The following GRM3 variants were observed in gnomAD, a reference collection of about 807,000 sequenced individuals.
The protein encoded by GRM3 is glutamate metabotropic receptor 3.
GRM3 carries 26 observed loss-of-function variants against 70.5 expected under a neutral mutation model. The observed-to-expected ratio is 0.37, with a 90% CI of 0.27 to 0.51. The LOEUF (loss-of-function observed/expected upper bound fraction) is 0.51. Ranked by LOEUF, GRM3 falls within the 20% of genes least tolerant of loss-of-function variation. The pLI, the probability that GRM3 is intolerant of heterozygous loss-of-function variation, is 0.93. For synonymous variants in GRM3, 443 were observed against 434.9 expected (o/e 1.02, Z -0.23); for missense variants, 859 against 1,123.8 (o/e 0.76, Z 3.37).
rs1026674054 is a variant in GRM3, at chr7:86,786,792, G to A, written c.1000G>A (p.Asp334Asn). The change falls in exon 3 of 6, where the codon GAC becomes AAC. Residue 334 changes from aspartate to asparagine, a missense_variant. By Grantham distance (23) the Asp-to-Asn change is conservative. Transcript: ENST00000361669. The surrounding 1 kb of genome is among the most constrained non-coding windows in gnomAD (Gnocchi z 6.0). ...GGCCTCCCAGCCTGTCCGCCAGTTCGACCGCTACTTCCAGAGCCTCAACCC... is the reference window on the plus strand; with the variant it reads ...GGCCTCCCAGCCTGTCCGCCAGTTCAACCGCTACTTCCAGAGCCTCAACCC... ...ELASQPVRQF[D>N]RYFQSLNPYN... is the part of the protein sequence containing the mutation. 1.2e-6 allele frequency: 2 copies of A among 1,614,138 alleles called. No homozygotes were observed. Among genetic ancestry groups the A allele is most frequent in the Admixed American group, 3.3e-5 (2 of 60,024 alleles).
intron 1 of GRM3, among the ~76,000 whole-genome samples, chr7:86,759,352 A>C (rs1353100703): frequency 6.6e-6 from 1 of 152,192 alleles, no homozygotes; most frequent in Non-Finnish European, 1.5e-5. Context: ...AAATTTATCC[A>C]GGGCCAAAGT....
At chr7:86,773,896 G>A (rs1342206269) in intron 2 of GRM3, among the ~76,000 whole-genome samples, 3 of 151,980 alleles carry the variant, frequency 2.0e-5, no homozygotes, top group Non-Finnish European at 4.4e-5. Flanking sequence ...CTACTCTACC[G>A]AAAGATAAGA....
At position 86,765,090 on chromosome 7, in the gene GRM3, A is replaced by G. The variant is rs1485288295; in HGVS notation, c.-56A>G. On this transcript the variant is annotated 5_prime_UTR_variant, in exon 2 of 6. The change abolishes the stop of an existing upstream ORF in the 5' untranslated region. Coordinates refer to ENST00000361669, the MANE Select transcript of GRM3 (RefSeq NM_000840.3). ...TCCAGTTTGGAAATGAGAGAGGACTAGCATGACACATTGGCTCCACCATTG... is the reference window on the plus strand; with the variant it reads ...TCCAGTTTGGAAATGAGAGAGGACTGGCATGACACATTGGCTCCACCATTG... 4.7e-5 allele frequency: 72 copies of G among 1,518,302 alleles called. No homozygotes were observed. The highest frequency in any genetic ancestry group is 5.9e-5 in the Non-Finnish European group (67 of 1,140,846). 94.1% of individuals were successfully genotyped at this position (1,518,302 alleles called of 1,614,324 possible).
intron 1 of GRM3, among the ~76,000 whole-genome samples, chr7:86,738,769 A>T (rs1277259364): frequency 6.6e-6 from 1 of 152,204 alleles, no homozygotes; most frequent in African/African-American, 2.4e-5. Flanking sequence ...CCAAGTAATT[A>T]TTTTTAATTG....
At chr7:86,673,742 TTCTC>T (rs1794231323) in intron 1 of GRM3, among the ~76,000 whole-genome samples, 1 of 152,084 alleles carries the variant, frequency 6.6e-6, no homozygotes, top group Admixed American at 6.6e-5. Flanking sequence ...ACTGAATCCA[TTCTC>T]TCTCTAATAC....
intron 3 of GRM3, among the ~76,000 whole-genome samples, chr7:86,837,783 T>G (rs1798486625): frequency 6.6e-6 from 1 of 152,072 alleles, no homozygotes; most frequent in Non-Finnish European, 1.5e-5. Flanking sequence ...AATAAACAAT[T>G]TGGGGTCTAT....
At chr7:86,685,906 C>CAAAAAA (rs71117516) in intron 1 of GRM3, among the ~76,000 whole-genome samples, 3 of 74,384 alleles carry the variant, frequency 4.0e-5, no homozygotes, top group African/African-American at 1.4e-4. Flanking sequence ...ACTCTGTCTC[C>CAAAAAA]AAAAAAAAAA....
intron 3 of GRM3, among the ~76,000 whole-genome samples, chr7:86,790,124 A>G (rs1358936888): frequency 4.6e-5 from 7 of 152,034 alleles, no homozygotes; most frequent in Admixed American, 4.6e-4. Flanking sequence ...TTTATCTAGA[A>G]GATTCTCTCC....
chr7:86,810,494 T>C (rs1454119891), intron 3 of GRM3, among the ~76,000 whole-genome samples: 1 of 152,028 alleles, frequency 6.6e-6, no homozygotes, highest in Non-Finnish European at 1.5e-5. Context: ...CAAGGTAATC[T>C]TATGTGGTTC....
At chr7:86,820,600 T>G (rs1798100412) in intron 3 of GRM3, among the ~76,000 whole-genome samples, 1 of 152,142 alleles carries the variant, frequency 6.6e-6, no homozygotes, top group African/African-American at 2.4e-5. Context: ...TATAGCACAA[T>G]GTATTATATC....
chr7:86,776,141 T>C (rs1429284735), intron 2 of GRM3: 4 of 152,178 alleles, frequency 2.6e-5, no homozygotes, highest in African/African-American at 9.6e-5. Context: ...TCTCTATTGC[T>C]TCTTGAGCAT....
chr7:86,795,099 G>A (rs1797516243), intron 3 of GRM3, among the ~76,000 whole-genome samples: 2 of 149,292 alleles, frequency 1.3e-5, no homozygotes, highest in African/African-American at 5.1e-5. Context: ...TTTCTCAAAT[G>A]TATGTTTTTT....
chr7:86,741,800 A>G (rs2116323623), intron 1 of GRM3, among the ~76,000 whole-genome samples: 1 of 152,310 alleles, frequency 6.6e-6, no homozygotes, highest in Non-Finnish European at 1.5e-5. Context: ...GCTAAGGACC[A>G]TTTTTGTTGC....
chr7:86,734,879 C>G (rs565720657), intron 1 of GRM3, among the ~76,000 whole-genome samples: 64 of 152,058 alleles, frequency 4.2e-4, no homozygotes, highest in Middle Eastern at 3.2e-3. Context: ...CTTTTATACA[C>G]GCACCCCAAT....
At chr7:86,647,371 G>A (rs891504710) in intron 1 of GRM3, among the ~76,000 whole-genome samples, 4 of 152,124 alleles carry the variant, frequency 2.6e-5, no homozygotes, top group Admixed American at 6.6e-5. Flanking sequence ...CATTGGCTTG[G>A]GGGTGAATTT....
intron 2 of GRM3, among the ~76,000 whole-genome samples, chr7:86,774,485 T>C (rs1796833791): frequency 6.6e-6 from 1 of 152,140 alleles, no homozygotes; most frequent in Admixed American, 6.6e-5. Context: ...AATCCCTTTG[T>C]TACTAGTAAC....
intron 1 of GRM3, among the ~76,000 whole-genome samples, chr7:86,647,621 T>C (rs905776465): frequency 3.9e-5 from 6 of 152,210 alleles, no homozygotes; most frequent in Non-Finnish European, 8.8e-5. Flanking sequence ...TTGTGCATTC[T>C]CACATCTTTT....
chr7:86,734,144 C>A (rs564873729), intron 1 of GRM3, among the ~76,000 whole-genome samples: 1 of 152,238 alleles, frequency 6.6e-6, no homozygotes, highest in Admixed American at 6.5e-5. Context: ...ACCTGATAGG[C>A]TATAAGGAGC....
intron 5 of GRM3, among the ~76,000 whole-genome samples, chr7:86,858,975 C>A (rs1227152681): frequency 6.6e-6 from 1 of 151,852 alleles, no homozygotes; most frequent in Non-Finnish European, 1.5e-5. Flanking sequence ...TTTCTTTTTT[C>A]TTGTTTTTGA....
Sources: allele counts gnomAD v4.1 joint callset (sites outside exome capture counted in the v4.1 genomes callset), GRCh38; gene constraint gnomAD v4.1.1; non-coding constraint Gnocchi (gnomAD v3.1); transcripts MANE v1.5; gene names NCBI Gene and HGNC (gene_info 2026-07-23, HGNC 2026-07-21).